COL4A2: variants seen among roughly 807,000 people sequenced by gnomAD.
COL4A2 encodes collagen type IV alpha 2 chain.
COL4A2 carries 99 observed loss-of-function variants against 200.2 expected under a neutral mutation model. The observed-to-expected ratio is 0.49, with a 90% confidence interval of 0.42 to 0.58. The LOEUF (loss-of-function observed/expected upper bound fraction) is 0.58, where lower values mean the gene tolerates loss of function less well. Ranked by LOEUF, COL4A2 falls within the 20% of genes least tolerant of loss-of-function variation. COL4A2 has a pLI of 0.00. For synonymous variants in COL4A2, 897 were observed against 900.6 expected (o/e 1.00, Z 0.07); for missense variants, 1,950 against 2,314.1 (o/e 0.84, Z 3.23).
intron 45 of COL4A2, 121 bp downstream of exon 45, chr13:110,504,385 C>A: frequency 1.3e-6 from 1 of 755,960 alleles, no homozygotes. Context: ...GGCGCTGCCC[C>A]ACCCTCCTGC....
At chr13:110,372,742 T>G (rs1878071814) in intron 4 of COL4A2, among the ~76,000 whole-genome samples, 1 of 152,264 alleles carries the variant, frequency 6.6e-6, no homozygotes, top group African/African-American at 2.4e-5. Context: ...GAAGCAAATA[T>G]TATTTTAAAA....
intron 4 of COL4A2, among the ~76,000 whole-genome samples, chr13:110,407,168 C>T (rs949402623): frequency 1.8e-4 from 27 of 152,212 alleles, no homozygotes; most frequent in African/African-American, 6.5e-4. Flanking sequence ...CAACCCTTCA[C>T]GAGCACCCTC....
At chr13:110,503,580 A>G in intron 43 of COL4A2, 99 bp downstream of exon 43, 1 of 762,920 alleles carries the variant, frequency 1.3e-6, no homozygotes, top group Non-Finnish European at 2.1e-6. Context: ...CCTCTCTGGC[A>G]TGGGTCACAT....
intron 32 of COL4A2, 149 bp from the exon 33 acceptor site, chr13:110,484,756 G>A (rs2139527963): frequency 8.6e-7 from 1 of 1,163,800 alleles, no homozygotes; most frequent in Non-Finnish European, 1.2e-6. Flanking sequence ...GGACACAGGA[G>A]AGGCTTCTCC....
At chr13:110,362,227 G>A (rs1054004300) in intron 4 of COL4A2, among the ~76,000 whole-genome samples, 2 of 152,150 alleles carry the variant, frequency 1.3e-5, no homozygotes, top group Non-Finnish European at 2.9e-5. Context: ...TCAGGGCTCT[G>A]TTGTTATTTG....
chr13:110,446,993 A>AT (rs140384701), intron 18 of COL4A2, 129 bp downstream of exon 18: 127 of 568,196 alleles, frequency 2.2e-4, no homozygotes, highest in Middle Eastern at 9.7e-4. Context: ...AATAATAATA[A>AT]AAAAAATAAA....
rs140189836 is a variant in COL4A2 at position 110,410,603 on chromosome 13, G to A, written c.181-14131G>A. Among the ~76,000 whole-genome samples the A allele has an allele frequency of 1.2e-3, 182 of 152,200 alleles. 2 individuals are homozygous for A. Among genetic ancestry groups the A allele is most frequent in the Middle Eastern group, 6.8e-3 (2 of 294 alleles). On this transcript the variant is annotated intron_variant, in intron 4 of 47. Coordinates refer to ENST00000360467, the MANE Select transcript of COL4A2 (RefSeq NM_001846.4). ...CCGTAGCTTTCCTTTTCTTCTTGGC[G>A]TCAAATTCGAAGCCACTTTCATACC...
At chr13:110,311,620 G>A (rs1884985272) in intron 3 of COL4A2, among the ~76,000 whole-genome samples, 2 of 152,196 alleles carry the variant, frequency 1.3e-5, no homozygotes, top group Admixed American at 6.5e-5. Flanking sequence ...CTGGGTGCCA[G>A]GAGGTATCCC....
chr13:110,500,918 G>A (rs555392805), intron 40 of COL4A2, among the ~76,000 whole-genome samples: 1 of 152,290 alleles, frequency 6.6e-6, no homozygotes, highest in African/African-American at 2.4e-5. Context: ...AATACATGGG[G>A]GGCATTTGAA....
chr13:110,369,372 T>C (rs1473541811), intron 4 of COL4A2, among the ~76,000 whole-genome samples: 1 of 152,172 alleles, frequency 6.6e-6, no homozygotes, highest in Non-Finnish European at 1.5e-5. Flanking sequence ...GCATTTTGGA[T>C]TTCAGATTTT....
chr13:110,412,387 CCTCCAGCCAAGGGCCGG>C (rs1294993195), intron 4 of COL4A2, among the ~76,000 whole-genome samples: 1 of 151,970 alleles, frequency 6.6e-6, no homozygotes, highest in Non-Finnish European at 1.5e-5. Flanking sequence ...CAAATCTGTG[CCTCCAGCCAAGGGCCGG>C]TGGATGCTAC....
At chr13:110,405,700 C>A (rs1879540752) in intron 4 of COL4A2, among the ~76,000 whole-genome samples, 1 of 152,162 alleles carries the variant, frequency 6.6e-6, no homozygotes, top group African/African-American at 2.4e-5. Context: ...ACACATTGAG[C>A]AATTTATATA....
intron 40 of COL4A2, among the ~76,000 whole-genome samples, chr13:110,496,446 C>T (rs1883456997): frequency 6.6e-6 from 1 of 152,262 alleles, no homozygotes; most frequent in African/African-American, 2.4e-5. Context: ...AGAGGAGGGG[C>T]TCTGCCAACA....
At chr13:110,492,030 T>G (rs1594106430) in intron 37 of COL4A2, 40 bp from the exon 38 acceptor site, 1 of 1,513,540 alleles carries the variant, frequency 6.6e-7, no homozygotes, top group Non-Finnish European at 8.9e-7. Context: ...GCGCCCAAGG[T>G]GTCCTGTGTG....
At chr13:110,502,946 G>T in intron 41 of COL4A2, 175 bp from the exon 42 acceptor site, 2 of 625,476 alleles carry the variant, frequency 3.2e-6, no homozygotes, top group South Asian at 2.1e-5. Context: ...TGATTAAAAT[G>T]GTAACTTTTA....
At chr13:110,485,080 G>T in intron 33 of COL4A2, 53 bp downstream of exon 33, 1 of 1,468,622 alleles carries the variant, frequency 6.8e-7, no homozygotes. Context: ...GCCCCAGCCC[G>T]CACCAGCTCG....
intron 3 of COL4A2, among the ~76,000 whole-genome samples, chr13:110,311,516 A>C (rs1201638421): frequency 1.3e-5 from 2 of 152,006 alleles, no homozygotes; most frequent in Non-Finnish European, 2.9e-5. Flanking sequence ...CTCTCCCCCA[A>C]AACGGAGGTG....
At chr13:110,447,551 A>C (rs1881374491) in intron 18 of COL4A2, among the ~76,000 whole-genome samples, 1 of 152,072 alleles carries the variant, frequency 6.6e-6, no homozygotes, top group African/African-American at 2.4e-5. Flanking sequence ...TAGAATGCGC[A>C]TCCTTCTAGG....
At chr13:110,487,369 C>A (rs1883150516) in intron 34 of COL4A2, among the ~76,000 whole-genome samples, 1 of 152,356 alleles carries the variant, frequency 6.6e-6, no homozygotes, top group South Asian at 2.1e-4. Context: ...GGAAGAATCG[C>A]TGGAACCCAG....
Sources: gnomAD v4.1 joint callset for allele counts (sites outside exome capture counted in the v4.1 genomes callset) on GRCh38, gnomAD v4.1.1 for gene constraint, MANE v1.5 for transcripts, NCBI Gene and HGNC (gene_info 2026-07-23, HGNC 2026-07-21) for gene names.